The following MYO5A variants were observed in gnomAD, a reference collection of about 807,000 sequenced individuals.
MYO5A encodes the protein unconventional myosin-Va.
A neutral mutation model predicts 249.7 loss-of-function variants in MYO5A; 98 were observed. The ratio of observed to expected loss-of-function variants is 0.39; its 90% CI spans 0.33 to 0.46. The LOEUF is 0.46. MYO5A is among the 20% of genes least tolerant of loss of function. The pLI is 0.98. For synonymous variants in MYO5A, 778 were observed against 810.6 expected, an observed-to-expected ratio of 0.96 and a Z score of 0.68; for missense variants, 1,696 against 2,308.8, an observed-to-expected ratio of 0.73 and a Z score of 5.44.
chr15:52,353,292 C>T (rs1318700009), intron 27 of MYO5A, among the ~76,000 whole-genome samples: 2 of 152,114 alleles, frequency 1.3e-5, no homozygotes, highest in Non-Finnish European at 2.9e-5. Flanking sequence ...CAGATTCCTA[C>T]TCCTATGTCT....
intron 30 of MYO5A, among the ~76,000 whole-genome samples, chr15:52,345,230 G>A (rs1187670778): frequency 6.6e-6 from 1 of 152,172 alleles, no homozygotes. Context: ...CTTGTAATAT[G>A]TAATCTCTAG....
At chr15:52,483,845 A>G (rs892327504) in intron 1 of MYO5A, among the ~76,000 whole-genome samples, 2 of 152,220 alleles carry the variant, frequency 1.3e-5, no homozygotes, top group African/African-American at 4.8e-5. Flanking sequence ...CGATTTAGAA[A>G]AACAGTCTGC....
intron 11 of MYO5A, among the ~76,000 whole-genome samples, chr15:52,392,786 T>C (rs1035757860): frequency 1.3e-5 from 2 of 152,238 alleles, no homozygotes; most frequent in African/African-American, 4.8e-5. Context: ...AACACCGATG[T>C]GGATGTTGCC....
chr15:52,458,339 G>A (rs1012092724), intron 1 of MYO5A, among the ~76,000 whole-genome samples: 15 of 152,202 alleles, frequency 9.9e-5, no homozygotes, highest in Non-Finnish European at 2.1e-4. Context: ...ACTTTGAAAG[G>A]CCGAGGCAAG....
At chr15:52,424,357 G>A (rs985338837) in intron 4 of MYO5A, among the ~76,000 whole-genome samples, 10 of 152,128 alleles carry the variant, frequency 6.6e-5, no homozygotes, top group African/African-American at 1.9e-4. Flanking sequence ...TCCTAGTTAC[G>A]TGACCTTAGA....
intron 1 of MYO5A, among the ~76,000 whole-genome samples, chr15:52,456,146 G>T (rs912579078): frequency 1.3e-5 from 2 of 151,868 alleles, no homozygotes; most frequent in Non-Finnish European, 2.9e-5. Flanking sequence ...TACAAAACCA[G>T]TAACATTTAT....
chr15:52,429,792 T>TG (rs571045056), intron 2 of MYO5A, among the ~76,000 whole-genome samples: 94 of 152,242 alleles, frequency 6.2e-4, no homozygotes, highest in African/African-American at 2.1e-3. Context: ...TTAATAGAGA[T>TG]GGGGGTCTCA....
chr15:52,440,224 A>C (rs1380738338), intron 1 of MYO5A, among the ~76,000 whole-genome samples: 1 of 151,754 alleles, frequency 6.6e-6, no homozygotes, highest in Non-Finnish European at 1.5e-5. Flanking sequence ...GGTTACACCC[A>C]GCCTTGCATG....
chr15:52,449,973 G>C (rs1281973902), intron 1 of MYO5A, among the ~76,000 whole-genome samples: 1 of 152,094 alleles, frequency 6.6e-6, no homozygotes, highest in Non-Finnish European at 1.5e-5. Context: ...CTGCACTCTA[G>C]CCTGAGCGAC....
intron 1 of MYO5A, among the ~76,000 whole-genome samples, chr15:52,462,153 C>A (rs1290331809): frequency 6.6e-6 from 1 of 151,622 alleles, no homozygotes; most frequent in Non-Finnish European, 1.5e-5. Flanking sequence ...GTAGTCCCAG[C>A]TACTCAGGAG....
intron 39 of MYO5A, 71 bp from the exon 40 acceptor site, chr15:52,317,293 G>T: frequency 6.9e-7 from 1 of 1,448,774 alleles, no homozygotes; most frequent in Non-Finnish European, 9.6e-7. Context: ...ATTTTTTTGT[G>T]TGCGGCCTTG....
intron 1 of MYO5A, among the ~76,000 whole-genome samples, chr15:52,479,054 G>C (rs2076660097): frequency 1.3e-5 from 2 of 151,880 alleles, no homozygotes; most frequent in African/African-American, 4.8e-5. Flanking sequence ...GGAGTGCAGT[G>C]GCGTGATCTC....
intron 1 of MYO5A, among the ~76,000 whole-genome samples, chr15:52,478,146 C>G (rs1311159709): frequency 1.3e-5 from 2 of 152,226 alleles, no homozygotes; most frequent in Non-Finnish European, 2.9e-5. Flanking sequence ...TGCCACCTTG[C>G]AGTTCAATCT....
intron 9 of MYO5A, among the ~76,000 whole-genome samples, chr15:52,403,855 C>T (rs1294703561): frequency 6.6e-6 from 1 of 152,060 alleles, no homozygotes; most frequent in Non-Finnish European, 1.5e-5. Flanking sequence ...AAATTAGGAC[C>T]CATGGCTTAG....
intron 15 of MYO5A, among the ~76,000 whole-genome samples, chr15:52,383,835 C>T (rs946966609): frequency 6.6e-6 from 1 of 152,206 alleles, no homozygotes; most frequent in African/African-American, 2.4e-5. Context: ...GGCGAGGGCC[C>T]TGTTCTGAAG....
At position 52,343,163 on chromosome 15, in the gene MYO5A, C is replaced by A. The variant is rs1290951091; in HGVS notation, c.3994G>T (p.Asp1332Tyr). Reference sequence around the variant, plus strand: ...TCATAAACCAGCCACAGCTCTCCATCCTCATTCAACTCATGGTAATCCAGA... The same window carrying A: ...TCATAAACCAGCCACAGCTCTCCATACTCATTCAACTCATGGTAATCCAGA... ...SALDYHELNE[D>Y]GELWLVYEGL... is the part of the protein sequence containing the mutation. Residue 1332 changes from aspartate (D) to tyrosine (Y), a missense_variant, in exon 31 of 42, where the codon GAT becomes TAT. By Grantham distance (160) the Asp-to-Tyr change is radical. This residue lies in a region of MYO5A where 625 missense variants were observed against 908.1 expected (regional missense o/e 0.69). Transcript: ENST00000399233. The A allele has an allele frequency of 6.2e-6, 10 of 1,614,010 alleles. No individual in the cohort carries two copies. Among genetic ancestry groups the A allele is most frequent in the Non-Finnish European group, 8.5e-6 (10 of 1,179,856 alleles).
intron 9 of MYO5A, 94 bp from the exon 10 acceptor site, chr15:52,397,560 G>A (rs1470642552): frequency 8.9e-6 from 13 of 1,453,978 alleles, no homozygotes; most frequent in Admixed American, 3.4e-5. Flanking sequence ...ATAAAATTCA[G>A]CAATTTCTTT....
chr15:52,521,822 T>G (rs2077628573), intron 1 of MYO5A, among the ~76,000 whole-genome samples: 1 of 152,126 alleles, frequency 6.6e-6, no homozygotes, highest in South Asian at 2.1e-4. Flanking sequence ...AAAGTTTAGG[T>G]TGTATCAGCA....
chr15:52,526,216 T>G (rs1481436625), intron 1 of MYO5A, among the ~76,000 whole-genome samples: 1 of 152,146 alleles, frequency 6.6e-6, no homozygotes, highest in Non-Finnish European at 1.5e-5. Context: ...GTCTTGCTGT[T>G]TTGCCCAGGA....
Sources: gnomAD v4.1 joint callset for allele counts (sites outside exome capture counted in the v4.1 genomes callset) on GRCh38, gnomAD v4.1.1 for gene constraint, gnomAD v4.1.1 regional missense constraint, MANE v1.5 for transcripts, NCBI Gene and HGNC (gene_info 2026-07-23, HGNC 2026-07-21) for gene names.